Variants in MRPS27 observed in about 807,000 individuals in gnomAD.
The protein encoded by MRPS27 is small ribosomal subunit protein mS27.
MRPS27 carries 43 observed loss-of-function variants against 48.9 expected under a neutral mutation model. The ratio of observed to expected loss-of-function variants is 0.88; its 90% CI spans 0.69 to 1.13. The LOEUF is 1.13. MRPS27 is among the 50% of genes most tolerant of loss of function. MRPS27 has a pLI of 0.00. For missense variants in MRPS27, 467 were observed against 476.3 expected, an observed-to-expected ratio of 0.98 and a Z score of 0.18; for synonymous variants, 188 against 171.9, an observed-to-expected ratio of 1.09 and a Z score of -0.73.
At chr5:72,302,981 C>T (rs551091371) in intron 2 of MRPS27, among the ~76,000 whole-genome samples, 14 of 152,328 alleles carry the variant, frequency 9.2e-5, no homozygotes, top group African/African-American at 3.1e-4. Context: ...TTAATCCACT[C>T]TTCTTTTGTG....
chr5:72,241,626 G>C, intron 4 of MRPS27: 1 of 1,533,340 alleles, frequency 6.5e-7, no homozygotes, highest in East Asian at 2.4e-5. Flanking sequence ...AGGTGAGTGA[G>C]TCTCTGGAAT....
intron 4 of MRPS27, among the ~76,000 whole-genome samples, chr5:72,280,742 T>C (rs1302844575): frequency 6.6e-6 from 1 of 152,246 alleles, no homozygotes; most frequent in Non-Finnish European, 1.5e-5. Context: ...CCTCTCTTTT[T>C]GTGTCTAATC....
chr5:72,295,499 G>C, intron 4 of MRPS27, 32 bp downstream of exon 4: 1 of 1,532,728 alleles, frequency 6.5e-7, no homozygotes, highest in Non-Finnish European at 9.0e-7. Flanking sequence ...TGAAATCACA[G>C]AGTACATAGC....
In MRPS27 at chr5:72,220,914, C is replaced by T; in HGVS notation, c.1240G>A (p.Ala414Thr). The T allele has an allele frequency of 6.2e-7, 1 of 1,614,136 alleles. No homozygotes were observed. Among genetic ancestry groups the T allele is most frequent in the Non-Finnish European group, 8.5e-7 (1 of 1,179,982 alleles). Residue 414 changes from alanine (A) to threonine (T), a missense_variant, in exon 11 of 11, where the codon GCC (alanine) becomes ACC (threonine). By Grantham distance (58) the Ala-to-Thr change is moderately conservative (BLOSUM62 0). Transcript: ENST00000261413. Reference protein sequence around the residue: ...YQAQKAAKASA With the variant: ...YQAQKAAKAST The stretch of plus-strand genomic sequence containing the variant: ...TGGGGCCCTGGGGGACCCTATTAGG[C>T]AGATGCCTTTGCTGCTTTCTGAGCC...
intron 4 of MRPS27, among the ~76,000 whole-genome samples, chr5:72,249,854 G>C (rs1185902618): frequency 6.7e-6 from 1 of 149,478 alleles, no homozygotes; most frequent in Non-Finnish European, 1.5e-5. Flanking sequence ...TGTGGTGGCA[G>C]CTGCCTGTAG....
At chr5:72,246,126 C>T (rs1261429616) in intron 4 of MRPS27, among the ~76,000 whole-genome samples, 1 of 152,132 alleles carries the variant, frequency 6.6e-6, no homozygotes, top group African/African-American at 2.4e-5. Flanking sequence ...CAAGTAGGTG[C>T]CTGATAATTT....
chr5:72,296,389 C>T (rs141705808), intron 3 of MRPS27, among the ~76,000 whole-genome samples: 79 of 152,272 alleles, frequency 5.2e-4, no homozygotes, highest in African/African-American at 1.9e-3. Context: ...AAATGTGGTT[C>T]AAACACAGAA....
intron 2 of MRPS27, among the ~76,000 whole-genome samples, chr5:72,298,345 G>A (rs1307918105): frequency 6.6e-6 from 1 of 152,172 alleles, no homozygotes; most frequent in East Asian, 1.9e-4. Flanking sequence ...TCTCACACCA[G>A]TCAGAATGGC....
At chr5:72,238,232 G>T in intron 4 of MRPS27, 104 bp from the exon 5 acceptor site, 1 of 687,168 alleles carries the variant, frequency 1.5e-6, no homozygotes, top group Non-Finnish European at 2.5e-6. Flanking sequence ...AGTGCAATGT[G>T]ACAGAAATTC....
At chr5:72,307,169 A>C (rs1287561426) in intron 2 of MRPS27, among the ~76,000 whole-genome samples, 1 of 152,084 alleles carries the variant, frequency 6.6e-6, no homozygotes, top group African/African-American at 2.4e-5. Context: ...ATGACCAAAA[A>C]GGCAAGACCC....
chr5:72,219,535 G>A lies in MRPS27; in HGVS notation c.*1374C>T, dbSNP rs1747683694. 6.6e-6 allele frequency: 1 copy of A among 152,058 alleles called. No individual in the cohort carries two copies. The highest frequency in any genetic ancestry group is 1.9e-4 in the East Asian group (1 of 5,200). The allele number at this position is 152,058 out of a possible 1,614,324, so 9.4% of individuals were successfully genotyped here. A position where few individuals can be genotyped will look rare whatever the true frequency, so the allele number is the denominator to read the frequency against. ...ATAAAGAGTACACTAACATGATCCC[G>A]GAACATTTATTTCCAGAGGCTTTTG... On this transcript the variant is annotated 3_prime_UTR_variant, in exon 11 of 11. Coordinates refer to ENST00000261413, the MANE Select transcript of MRPS27 (RefSeq NM_015084.3).
chr5:72,277,734 T>C lies in MRPS27; in HGVS notation c.281+17797A>G, dbSNP rs569949533. ...ATTGGATAAAGAAAATGTGGTACAATACGCCATGGAGTACTGTGCAGCCAT... is the reference window on the plus strand; with the variant it reads ...ATTGGATAAAGAAAATGTGGTACAACACGCCATGGAGTACTGTGCAGCCAT... On this transcript the variant is annotated intron_variant, in intron 4 of 10. Coordinates refer to ENST00000261413, the MANE Select transcript of MRPS27 (RefSeq NM_015084.3). Among the ~76,000 whole-genome samples the C allele has an allele frequency of 3.9e-5, 6 of 152,260 alleles. No individual in the cohort carries two copies. In the South Asian group the frequency reaches 6.2e-4, roughly 16 times the overall value.
intron 1 of MRPS27, among the ~76,000 whole-genome samples, chr5:72,317,140 G>A (rs1561367921): frequency 6.6e-6 from 1 of 151,672 alleles, no homozygotes; most frequent in Admixed American, 6.6e-5. Context: ...ACACAGTATT[G>A]GAATGCTGTT....
chr5:72,224,473 T>C (rs539712101), intron 9 of MRPS27, among the ~76,000 whole-genome samples: 4 of 152,346 alleles, frequency 2.6e-5, no homozygotes, highest in South Asian at 2.1e-4. Flanking sequence ...CCAGGAATTA[T>C]GCTTGATGGG....
intron 4 of MRPS27, among the ~76,000 whole-genome samples, chr5:72,246,332 G>T (rs1038028190): frequency 6.6e-6 from 1 of 152,212 alleles, no homozygotes; most frequent in Non-Finnish European, 1.5e-5. Context: ...AGAGGAAGTG[G>T]AGTAGTATGT....
At chr5:72,262,040 T>G (rs1580079497) in intron 4 of MRPS27, among the ~76,000 whole-genome samples, 1 of 152,290 alleles carries the variant, frequency 6.6e-6, no homozygotes, top group East Asian at 1.9e-4. Context: ...CCCTAAACCC[T>G]TTCTAGTCAG....
chr5:72,280,775 T>C (rs1749513967), intron 4 of MRPS27, among the ~76,000 whole-genome samples: 1 of 152,226 alleles, frequency 6.6e-6, no homozygotes, highest in South Asian at 2.1e-4. Context: ...ATTGATTCAA[T>C]AACATCTTAT....
intron 4 of MRPS27, among the ~76,000 whole-genome samples, chr5:72,253,130 G>A (rs1156263236): frequency 6.6e-6 from 1 of 152,150 alleles, no homozygotes; most frequent in Non-Finnish European, 1.5e-5. Flanking sequence ...CGACTGCCTT[G>A]CTTCTGGACT....
At chr5:72,227,021 A>G (rs990611366) in intron 8 of MRPS27, 5 of 152,264 alleles carry the variant, frequency 3.3e-5, no homozygotes, top group African/African-American at 4.8e-5. Flanking sequence ...AAACAGACAA[A>G]GCTTATCAGG....
Sources: gnomAD v4.1 joint callset for allele counts (sites outside exome capture counted in the v4.1 genomes callset) on GRCh38, gnomAD v4.1.1 for gene constraint, MANE v1.5 for transcripts, NCBI Gene and HGNC (gene_info 2026-07-23, HGNC 2026-07-21) for gene names.